TENM4: variants seen among roughly 807,000 people sequenced by gnomAD.
The protein encoded by TENM4 is teneurin-4.
TENM4 carries 82 observed loss-of-function variants against 243.3 expected under a neutral mutation model. The ratio of observed to expected loss-of-function variants is 0.34; its 90% CI spans 0.28 to 0.40. TENM4 has a LOEUF of 0.40. Among genes scored for constraint, TENM4 ranks in the 10% least tolerant of loss-of-function variants. TENM4 has a pLI of 1.00. For missense variants in TENM4, 3,138 were observed against 3,673.3 expected, an observed-to-expected ratio of 0.85 and a Z score of 3.77; for synonymous variants, 1,412 against 1,456.3, an observed-to-expected ratio of 0.97 and a Z score of 0.69.
chr11:79,347,339 A>G (rs776905952), intron 1 of TENM4, among the ~76,000 whole-genome samples: 10 of 152,148 alleles, frequency 6.6e-5, no homozygotes, highest in Non-Finnish European at 1.2e-4. Flanking sequence ...CCAAACCCTC[A>G]TGGCTTCCTC....
intron 6 of TENM4, among the ~76,000 whole-genome samples, chr11:79,040,845 C>A (rs1466917810): frequency 2.6e-5 from 4 of 152,112 alleles, no homozygotes; most frequent in African/African-American, 4.8e-5. Flanking sequence ...ATAAGAAGCA[C>A]CTGGGAAGTT....
chr11:79,056,963 T>C (rs1440918840), intron 6 of TENM4, among the ~76,000 whole-genome samples: 1 of 152,182 alleles, frequency 6.6e-6, no homozygotes, highest in Non-Finnish European at 1.5e-5. Context: ...TCATCCTCAA[T>C]GCTAACAAGA....
intron 9 of TENM4, among the ~76,000 whole-genome samples, chr11:78,880,832 T>C (rs1855413638): frequency 6.6e-6 from 1 of 152,186 alleles, no homozygotes; most frequent in African/African-American, 2.4e-5. Flanking sequence ...TTCTTTACTA[T>C]ATTTCTCAAA....
chr11:79,386,302 C>T (rs1183349372), intron 1 of TENM4, among the ~76,000 whole-genome samples: 1 of 152,032 alleles, frequency 6.6e-6, no homozygotes, highest in African/African-American at 2.4e-5. Flanking sequence ...AATGGTAAAA[C>T]AATAAAGATT....
At chr11:79,144,689 A>G (rs1591313800) in intron 4 of TENM4, among the ~76,000 whole-genome samples, 1 of 152,088 alleles carries the variant, frequency 6.6e-6, no homozygotes, top group Non-Finnish European at 1.5e-5. Flanking sequence ...CAGAAAGACA[A>G]ACTTTGCATG....
At chr11:78,860,674 T>G (rs1268891118) in intron 10 of TENM4, among the ~76,000 whole-genome samples, 11 of 152,242 alleles carry the variant, frequency 7.2e-5, no homozygotes, top group African/African-American at 7.2e-5. Flanking sequence ...CATTGTGGTC[T>G]CACATAAACT....
In TENM4 at chr11:78,789,034, T is replaced by G. The variant is rs1856998544; in HGVS notation, c.2180-1951A>C. Reference sequence around the variant, plus strand: ...ATTTTTACATGGTAGAGTGGTTTTCTGTTTCTTTGTCTGTCTTATCATCAG... The same window carrying G: ...ATTTTTACATGGTAGAGTGGTTTTCGGTTTCTTTGTCTGTCTTATCATCAG... On this transcript the variant is annotated intron_variant, in intron 15 of 33. Transcript: ENST00000278550. Among the ~76,000 whole-genome samples the G allele has an allele frequency of 4.6e-5, 7 of 152,206 alleles. No individual in the cohort carries two copies. The South Asian group carries it at 1.4e-3, about 32-fold the overall frequency.
chr11:78,896,830 G>A lies in TENM4; in HGVS notation c.750-5494C>T, dbSNP rs1448014109. Reference sequence around the variant, plus strand: ...CCACTTACTGGCTGTGGGACCTGAGGCAAGTTACTTAACTTGTCTGTGCTT... The same window carrying A: ...CCACTTACTGGCTGTGGGACCTGAGACAAGTTACTTAACTTGTCTGTGCTT... On this transcript the variant is annotated intron_variant, in intron 7 of 33. Coordinates refer to ENST00000278550, the MANE Select transcript of TENM4 (RefSeq NM_001098816.3). Among the ~76,000 whole-genome samples the A allele has an allele frequency of 7.2e-5, 11 of 152,114 alleles. No individual in the cohort carries two copies. The East Asian group carries it at 2.1e-3, about 29-fold the overall frequency.
At chr11:79,214,575 G>A (rs1864014086) in intron 3 of TENM4, among the ~76,000 whole-genome samples, 1 of 152,162 alleles carries the variant, frequency 6.6e-6, no homozygotes, top group Non-Finnish European at 1.5e-5. Flanking sequence ...ATTTCTCTAA[G>A]CCTCAATTCC....
intron 6 of TENM4, among the ~76,000 whole-genome samples, chr11:78,920,914 G>C (rs1052792275): frequency 6.6e-6 from 1 of 152,184 alleles, no homozygotes; most frequent in Non-Finnish European, 1.5e-5. Context: ...AGTACATGCT[G>C]AGCCTCCTGT....
At position 79,146,004 on chromosome 11, in the gene TENM4, T is replaced by C. The variant is rs150283416; in HGVS notation, c.-66+2706A>G. Among the ~76,000 whole-genome samples the C allele has an allele frequency of 1.6e-3, 238 of 152,254 alleles. 4 individuals are homozygous for C. In the East Asian group the frequency reaches 0.04, roughly 25 times the overall value. On this transcript the variant is annotated intron_variant, in intron 4 of 33. Coordinates refer to ENST00000278550, the MANE Select transcript of TENM4 (RefSeq NM_001098816.3). ...ATTTATAGGAGTTTCTTCTTTTTTT[T>C]CTACCATATATATTTGGATATGAGA... is the stretch of plus-strand genomic sequence containing the variant.
chr11:79,285,595 G>A (rs1590851461), intron 2 of TENM4, among the ~76,000 whole-genome samples: 1 of 152,192 alleles, frequency 6.6e-6, no homozygotes, highest in Admixed American at 6.5e-5. Context: ...GTTAAAAATG[G>A]AAATAACCCT....
chr11:78,975,742 T>TG (rs1246770748), intron 6 of TENM4, among the ~76,000 whole-genome samples: 3 of 118,094 alleles, frequency 2.5e-5, no homozygotes, highest in Non-Finnish European at 4.9e-5. Flanking sequence ...GGAGGAATGA[T>TG]GGGGGTATTA....
chr11:79,316,554 T>A (rs1315619012), intron 1 of TENM4, among the ~76,000 whole-genome samples: 3 of 152,230 alleles, frequency 2.0e-5, no homozygotes, highest in African/African-American at 7.2e-5. Flanking sequence ...TGACTTCCTT[T>A]TTTATTTCAA....
chr11:78,796,357 G>A (rs1367287380), intron 15 of TENM4, among the ~76,000 whole-genome samples: 1 of 152,138 alleles, frequency 6.6e-6, no homozygotes, highest in Non-Finnish European at 1.5e-5. Flanking sequence ...TAACGAGACT[G>A]GGATGTGTAT....
At chr11:79,050,795 A>G (rs1859771923) in intron 6 of TENM4, among the ~76,000 whole-genome samples, 1 of 152,204 alleles carries the variant, frequency 6.6e-6, no homozygotes, top group South Asian at 2.1e-4. Context: ...GGATTTGGCT[A>G]TTTATTTGAG....
intron 1 of TENM4, among the ~76,000 whole-genome samples, chr11:79,342,953 G>A (rs1168191427): frequency 2.0e-5 from 3 of 152,244 alleles, no homozygotes; most frequent in African/African-American, 7.2e-5. Flanking sequence ...TGTTTGCACA[G>A]TTGTTTGAGG....
rs139506183 is a variant in TENM4, at chr11:78,653,857, C to T, written c.*4201G>A. ...TTCCCACACTCTGATATTCCACATTCGTAATGAAACCTAAGAGTCACCACT... is the reference window on the plus strand; with the variant it reads ...TTCCCACACTCTGATATTCCACATTTGTAATGAAACCTAAGAGTCACCACT... On this transcript the variant is annotated 3_prime_UTR_variant, in exon 34 of 34. Coordinates refer to ENST00000278550, the MANE Select transcript of TENM4 (RefSeq NM_001098816.3). 155 of 152,392 alleles carry T rather than the reference C, an allele frequency of 1.0e-3. No homozygotes were observed. The highest frequency in any genetic ancestry group is 3.5e-3 in the African/African-American group (145 of 41,584). The allele number at this position is 152,392 out of a possible 1,614,324, so 9.4% of individuals were successfully genotyped here.
At chr11:79,148,992 C>A (rs1004770211) in intron 3 of TENM4, among the ~76,000 whole-genome samples, 186 bp from the exon 4 acceptor site, 8 of 152,098 alleles carry the variant, frequency 5.3e-5, no homozygotes, top group African/African-American at 1.9e-4. Flanking sequence ...AAAGATGCAA[C>A]TAAAGTAGCT....
Sources: gnomAD v4.1 joint callset for allele counts (sites outside exome capture counted in the v4.1 genomes callset) on GRCh38, gnomAD v4.1.1 for gene constraint, MANE v1.5 for transcripts, NCBI Gene and HGNC (gene_info 2026-07-23, HGNC 2026-07-21) for gene names.